DNM2: variants seen among roughly 807,000 people sequenced by gnomAD.
DNM2 encodes dynamin 2, also known as dynamin-2.
Under a neutral mutation model 99.0 loss-of-function variants are expected in DNM2, and 15 were observed. The observed-to-expected ratio is 0.15, with a 90% CI of 0.10 to 0.23. DNM2 has a LOEUF of 0.23. Ranked by LOEUF, DNM2 falls within the 10% of genes least tolerant of loss-of-function variation. The pLI, the probability that DNM2 is intolerant of heterozygous loss-of-function variation, is 1.00. For synonymous variants in DNM2, 525 were observed against 481.2 expected, an observed-to-expected ratio of 1.09 and a Z score of -1.19; for missense variants, 742 against 1,189.4, an observed-to-expected ratio of 0.62 and a Z score of 5.53.
At position 10,830,422 on chromosome 19, in the gene DNM2, G is replaced by C; in HGVS notation, c.2543+44G>C. 1.3e-6 allele frequency: 2 copies of C among 1,594,950 alleles called. No individual in the cohort carries two copies. Among genetic ancestry groups the C allele is most frequent in the South Asian group, 2.2e-5 (2 of 90,740 alleles). On this transcript the variant is annotated intron_variant, in intron 20 of 20. Coordinates refer to ENST00000389253, the MANE Select transcript of DNM2 (RefSeq NM_001005361.3). The surrounding 1 kb of genome is among the most constrained non-coding windows in gnomAD (Gnocchi z 4.8). ...CCTCCACCCCAACTGCCTGCACCCT[G>C]GGGTCTCTCCTCCTGTCTCACTTCC...
At chr19:10,786,469 C>G in intron 6 of DNM2, 95 bp from the exon 7 acceptor site, 1 of 1,593,324 alleles carries the variant, frequency 6.3e-7, no homozygotes, top group Non-Finnish European at 8.6e-7. Context: ...CATAGTGGCA[C>G]CCTGGTGTTG....
chr19:10,730,336 C>T (rs2069268563), intron 1 of DNM2, among the ~76,000 whole-genome samples: 2 of 152,094 alleles, frequency 1.3e-5, no homozygotes, highest in Admixed American at 6.6e-5. Context: ...AATTAGCAGG[C>T]GTGGTGGTGC....
rs761511769 is a variant in DNM2 at position 10,786,717 on chromosome 19, C to A, written c.992+11C>A. 6.2e-7 allele frequency: 1 copy of A among 1,613,808 alleles called. No homozygotes were observed. The highest frequency in any genetic ancestry group is 8.5e-7 in the Non-Finnish European group (1 of 1,179,962). On this transcript the variant is annotated intron_variant, in intron 7 of 20. Transcript: ENST00000389253. ...CAAAGCCCTGCTGCAGTATGTACCC[C>A]GGCACCCACCACCACCACCACCCTG...
rs1369715588 is a variant in DNM2 at position 10,818,142 on chromosome 19, C to T, written c.1672-1838C>T. Among the ~76,000 whole-genome samples, 2 of 152,120 alleles carry T rather than the reference C, an allele frequency of 1.3e-5. No individual in the cohort carries two copies. Among genetic ancestry groups the T allele is most frequent in the African/African-American group, 4.8e-5 (2 of 41,428 alleles). The stretch of plus-strand genomic sequence containing the variant: ...CCAGCCTTGCCTGGGATGACGGGTG[C>T]AGGCTTTCTTCATCACCTTCCCTCC... On this transcript the variant is annotated intron_variant, in intron 15 of 20. Transcript: ENST00000389253. This position sits in a 1 kb window ranked among gnomAD's most constrained non-coding sequence, Gnocchi z 4.3.
rs983352570 is a variant in DNM2, at chr19:10,775,590, C to T, written c.386-113C>T. On this transcript the variant is annotated intron_variant, in intron 3 of 20. Coordinates refer to ENST00000389253, the MANE Select transcript of DNM2 (RefSeq NM_001005361.3). This position sits in a 1 kb window ranked among gnomAD's most constrained non-coding sequence, Gnocchi z 4.3. ...GTTCAGGCAGAGTGTCAGGCGACAT[C>T]CTCAAGTCTGAGCCCCGCGCAGGAA... 65 of 1,180,276 alleles carry T rather than the reference C, an allele frequency of 5.5e-5. No homozygotes were observed. The East Asian group carries it at 1.2e-3, about 22-fold the overall frequency. The allele number at this position is 1,180,276 out of a possible 1,614,324, so 73.1% of individuals were successfully genotyped here. A position where few individuals can be genotyped will look rare whatever the true frequency, so the allele number is the denominator to read the frequency against.
rs1262728078 is a variant in DNM2 at position 10,817,403 on chromosome 19, G to A, written c.1672-2577G>A. The A allele has an allele frequency of 4.0e-6, 2 of 495,846 alleles. No individual in the cohort carries two copies. The highest frequency in any genetic ancestry group is 1.5e-5 in the South Asian group (1 of 66,708). The allele number at this position is 495,846 out of a possible 1,614,324, so 30.7% of individuals were successfully genotyped here. ...CCGGCGAGTTTGGGGGGCCTGTCTC[G>A]ACGAGCCGCTCACCCAAGCCCAGCC... On this transcript the variant is annotated intron_variant, in intron 15 of 20. Transcript: ENST00000389253. The surrounding 1 kb of genome is among the most constrained non-coding windows in gnomAD (Gnocchi z 4.6).
At chr19:10,721,491 A>C (rs187656522) in intron 1 of DNM2, among the ~76,000 whole-genome samples, 2 of 152,164 alleles carry the variant, frequency 1.3e-5, no homozygotes, top group East Asian at 3.9e-4. Flanking sequence ...CTGAAAGCCA[A>C]AGTTGTAAAA....
Position 10,765,065 on chromosome 19 carries a change from C to T in DNM2, c.235+5254C>T, listed in dbSNP as rs1287870252. Among the ~76,000 whole-genome samples, 2 of 151,848 alleles carry T rather than the reference C, an allele frequency of 1.3e-5. No homozygotes were observed. Among genetic ancestry groups the T allele is most frequent in the Non-Finnish European group, 2.9e-5 (2 of 67,968 alleles). Reference sequence around the variant, plus strand: ...CTCCGCCTCCCGGGTTCACACCATGCTCCTGTCTCAGCCTCCGGCGTAGCT... The same window carrying T: ...CTCCGCCTCCCGGGTTCACACCATGTTCCTGTCTCAGCCTCCGGCGTAGCT... On this transcript the variant is annotated intron_variant, in intron 2 of 20. Coordinates refer to ENST00000389253, the MANE Select transcript of DNM2 (RefSeq NM_001005361.3). This position sits in a 1 kb window ranked among gnomAD's most constrained non-coding sequence, Gnocchi z 4.4.
chr19:10,759,901 C>A, intron 2 of DNM2, 90 bp downstream of exon 2: 1 of 1,533,946 alleles, frequency 6.5e-7, no homozygotes, highest in South Asian at 1.1e-5. Flanking sequence ...GAACTTGGGT[C>A]CTGGGCTGTC....
chr19:10,729,867 ATTT>A (rs766188774), intron 1 of DNM2, among the ~76,000 whole-genome samples: 1 of 140,730 alleles, frequency 7.1e-6, no homozygotes, highest in Non-Finnish European at 1.6e-5. Context: ...ATGGGTGGTT[ATTT>A]TTTTTTTTTT....
Position 10,820,792 on chromosome 19 carries a change from G to A in DNM2, c.1781+703G>A, listed in dbSNP as rs751076006. Among the ~76,000 whole-genome samples the A allele has an allele frequency of 1.3e-5, 2 of 152,224 alleles. No homozygotes were observed. Among genetic ancestry groups the A allele is most frequent in the Non-Finnish European group, 2.9e-5 (2 of 68,038 alleles). The stretch of plus-strand genomic sequence containing the variant: ...ATGTGAACTGGGCAGTCACCATTGC[G>A]TGGATGGTATTTCAAGGAACGAAAC... On this transcript the variant is annotated intron_variant, in intron 16 of 20. Coordinates refer to ENST00000389253, the MANE Select transcript of DNM2 (RefSeq NM_001005361.3). This position sits in a 1 kb window ranked among gnomAD's most constrained non-coding sequence, Gnocchi z 4.3.
At chr19:10,754,639 G>T (rs2070322074) in intron 1 of DNM2, among the ~76,000 whole-genome samples, 1 of 151,990 alleles carries the variant, frequency 6.6e-6, no homozygotes, top group Non-Finnish European at 1.5e-5. Context: ...GCCCAGGCTG[G>T]AGTGCAACGG....
At chr19:10,729,269 A>C (rs1356553632) in intron 1 of DNM2, among the ~76,000 whole-genome samples, 1 of 151,438 alleles carries the variant, frequency 6.6e-6, no homozygotes. Flanking sequence ...GAATTACTTG[A>C]AGGTTGCAGT....
At chr19:10,798,761 C>G (rs922128115) in intron 11 of DNM2, among the ~76,000 whole-genome samples, 189 bp downstream of exon 11, 3 of 151,818 alleles carry the variant, frequency 2.0e-5, no homozygotes, top group African/African-American at 7.3e-5. Context: ...CAAAGTAACC[C>G]TTACCTCAAT....
At chr19:10,729,664 T>C (rs1262640339) in intron 1 of DNM2, among the ~76,000 whole-genome samples, 2 of 152,126 alleles carry the variant, frequency 1.3e-5, no homozygotes, top group Admixed American at 1.3e-4. Flanking sequence ...ATTACGCAAG[T>C]AGAGCGTGGA....
At chr19:10,773,784 T>C (rs1247104950) in intron 3 of DNM2, among the ~76,000 whole-genome samples, 5 of 152,024 alleles carry the variant, frequency 3.3e-5, no homozygotes, top group Non-Finnish European at 7.4e-5. Context: ...GCTACTTTTT[T>C]GTATTTTTAG....
chr19:10,750,130 A>G (rs1178618406), intron 1 of DNM2, among the ~76,000 whole-genome samples: 1 of 152,156 alleles, frequency 6.6e-6, no homozygotes, highest in Non-Finnish European at 1.5e-5. Context: ...AGGTTGGGCC[A>G]GGACCCTGGG....
chr19:10,802,708 A>G, intron 12 of DNM2: 1 of 369,272 alleles, frequency 2.7e-6, no homozygotes, highest in Non-Finnish European at 5.2e-6. Flanking sequence ...CTTTTCCCAG[A>G]CTCTGCCACT....
At position 10,772,052 on chromosome 19, in the gene DNM2, CTTTTT is replaced by C. The variant is rs1159216421; in HGVS notation, c.236-425_236-421del. ...GTGACGATGATTGGGTCATTATTTT[CTTTTT>C]TATTTTATTTTATTTTATTTTATTT... On this transcript the variant is annotated intron_variant, in intron 2 of 20. Transcript: ENST00000389253. This position sits in a 1 kb window ranked among gnomAD's most constrained non-coding sequence, Gnocchi z 4.9. Among the ~76,000 whole-genome samples the C allele has an allele frequency of 1.8e-3, 184 of 103,752 alleles. No individual in the cohort carries two copies. Among genetic ancestry groups the C allele is most frequent in the African/African-American group, 6.0e-3 (157 of 25,960 alleles). 68.1% of individuals were successfully genotyped at this position (103,752 alleles called of 152,430 possible). A position where few individuals can be genotyped will look rare whatever the true frequency, so the allele number is the denominator to read the frequency against.
Sources: gnomAD v4.1 joint callset for allele counts (sites outside exome capture counted in the v4.1 genomes callset) on GRCh38, gnomAD v4.1.1 for gene constraint, Gnocchi (gnomAD v3.1) non-coding constraint, MANE v1.5 for transcripts, NCBI Gene and HGNC (gene_info 2026-07-23, HGNC 2026-07-21) for gene names.